Variants in TBL1XR1 observed in about 807,000 individuals in gnomAD.
TBL1XR1 encodes TBL1X/Y related 1, also known as F-box-like/WD repeat-containing protein TBL1XR1.
TBL1XR1 carries 5 observed loss-of-function variants against 66.9 expected under a neutral mutation model. The observed-to-expected ratio is 0.07, with a 90% confidence interval of 0.04 to 0.16. The LOEUF (loss-of-function observed/expected upper bound fraction) is 0.16, where lower values mean the gene tolerates loss of function less well. Among genes scored for constraint, TBL1XR1 ranks in the 10% least tolerant of loss-of-function variants. The pLI is 1.00. For synonymous variants in TBL1XR1, 210 were observed against 206.0 expected (o/e 1.02, Z -0.17); for missense variants, 238 against 623.2 (o/e 0.38, Z 6.58).
chr3:177,034,438 A>C, intron 12 of TBL1XR1, 113 bp from the exon 13 acceptor site: 1 of 632,536 alleles, frequency 1.6e-6, no homozygotes, highest in Non-Finnish European at 2.4e-6. Context: ...GAGTGATATA[A>C]CCAGAATGAT....
At chr3:177,035,197 T>C (rs1714598832) in intron 12 of TBL1XR1, among the ~76,000 whole-genome samples, 1 of 152,176 alleles carries the variant, frequency 6.6e-6, no homozygotes, top group Admixed American at 6.5e-5. Flanking sequence ...TTCTAATTCA[T>C]AGAATTTGAT....
chr3:177,104,835 A>C (rs1724673729), intron 1 of TBL1XR1, among the ~76,000 whole-genome samples: 1 of 152,214 alleles, frequency 6.6e-6, no homozygotes, highest in Admixed American at 6.5e-5. Flanking sequence ...ATTATACAAA[A>C]ATAAACTATT....
At chr3:177,121,548 A>G (rs2108757049) in intron 1 of TBL1XR1, among the ~76,000 whole-genome samples, 1 of 152,314 alleles carries the variant, frequency 6.6e-6, no homozygotes, top group Admixed American at 6.5e-5. Flanking sequence ...TTTTAGCCAG[A>G]CTAAATTCAT....
chr3:177,061,543 T>C (rs771892876), intron 3 of TBL1XR1, among the ~76,000 whole-genome samples: 1 of 152,226 alleles, frequency 6.6e-6, no homozygotes, highest in Non-Finnish European at 1.5e-5. Context: ...TTAGTTTTGC[T>C]TTTTGGAAGT....
At chr3:177,026,037 T>C (rs761819314) in intron 15 of TBL1XR1, 1 of 304,230 alleles carries the variant, frequency 3.3e-6, no homozygotes, top group South Asian at 4.4e-5. Context: ...GCCAAAAAAA[T>C]TCTTCTGTGA....
intron 1 of TBL1XR1, among the ~76,000 whole-genome samples, chr3:177,172,495 T>C (rs1414625178): frequency 6.6e-6 from 1 of 151,288 alleles, no homozygotes; most frequent in South Asian, 2.1e-4. Flanking sequence ...CAGTGGCTCA[T>C]GCCTCTAATC....
intron 13 of TBL1XR1, among the ~76,000 whole-genome samples, chr3:177,033,412 T>C (rs1357702216): frequency 6.6e-6 from 1 of 151,936 alleles, no homozygotes; most frequent in African/African-American, 2.4e-5. Context: ...AGTCCAGGAG[T>C]AGAAAACGTA....
At chr3:177,171,715 A>C (rs868261272) in intron 1 of TBL1XR1, among the ~76,000 whole-genome samples, 1 of 148,784 alleles carries the variant, frequency 6.7e-6, no homozygotes, top group Non-Finnish European at 1.5e-5. Flanking sequence ...AAAAAAAAAA[A>C]AAAAAAAAAA....
chr3:177,065,089 G>T, intron 2 of TBL1XR1, 67 bp from the exon 3 acceptor site: 1 of 1,027,996 alleles, frequency 9.7e-7, no homozygotes, highest in Non-Finnish European at 1.3e-6. Context: ...AAACAATGTT[G>T]TAAAAACCAT....
In TBL1XR1 at chr3:177,019,982, TC is replaced by T. The variant is rs2108354582; in HGVS notation, c.*5515del. 7.5e-6 allele frequency: 1 copy of T among 133,360 alleles called. No homozygotes were observed. Among genetic ancestry groups the T allele is most frequent in the African/African-American group, 2.7e-5 (1 of 36,878 alleles). 8.3% of individuals were successfully genotyped at this position (133,360 alleles called of 1,614,324 possible). The stretch of plus-strand genomic sequence containing the variant: ...AATAGAAGACCTAGAGAGTGTAAAT[TC>T]TTAAAAAAAAAAAAAAGAAAATATG... On this transcript the variant is annotated 3_prime_UTR_variant, in exon 16 of 16. Transcript: ENST00000457928.
chr3:177,122,275 T>G (rs1434357903), intron 1 of TBL1XR1, among the ~76,000 whole-genome samples: 1 of 110,026 alleles, frequency 9.1e-6, no homozygotes, highest in African/African-American at 3.4e-5. Flanking sequence ...ATACATAACT[T>G]ATATAAGACA....
Position 177,160,652 on chromosome 3 carries a change from T to A in TBL1XR1, c.-122+36469A>T, listed in dbSNP as rs564951032. ...TTTTTCTTCAAGCTCTCGATTATTT[T>A]TTATTATTTGAAACTCAGTCCTAAA... On this transcript the variant is annotated intron_variant, in intron 1 of 15. Transcript: ENST00000457928. Among the ~76,000 whole-genome samples the A allele has an allele frequency of 7.2e-5, 11 of 152,210 alleles. No individual in the cohort carries two copies. In the South Asian group the frequency reaches 2.1e-3, roughly 29 times the overall value.
Position 177,051,588 on chromosome 3 carries a change from C to A in TBL1XR1, c.343G>T (p.Ala115Ser), listed in dbSNP as rs375411293. Residue 115 changes from alanine (A) to serine (S), a missense_variant, in exon 5 of 16, where the codon GCA becomes TCA. By Grantham distance (99) the Ala-to-Ser change is moderately conservative. Coordinates refer to ENST00000457928, the MANE Select transcript of TBL1XR1 (RefSeq NM_024665.7). The stretch of plus-strand genomic sequence containing the variant: ...GATCCTTGTTGGCTGGCTGCAGCTG[C>A]GGCAGCTGCAGCAGCTGCTGCCTGT... The part of the protein sequence containing the change: ...QQQAAAAAAA[A>S]AAASQQGSAK... 1.2e-6 allele frequency: 2 copies of A among 1,613,446 alleles called. No individual in the cohort carries two copies. Among genetic ancestry groups the A allele is most frequent in the Non-Finnish European group, 8.5e-7 (1 of 1,179,686 alleles).
chr3:177,026,336 A>ACC, intron 15 of TBL1XR1, 37 bp downstream of exon 15: 1 of 1,524,972 alleles, frequency 6.6e-7, no homozygotes, highest in Middle Eastern at 1.7e-4. Context: ...GTGAATACCC[A>ACC]CCCACACCCT....
chr3:177,192,044 G>C (rs1736208708), intron 1 of TBL1XR1, among the ~76,000 whole-genome samples: 1 of 145,956 alleles, frequency 6.9e-6, no homozygotes, highest in Non-Finnish European at 1.5e-5. Context: ...AGTGAGCCGA[G>C]ATCGCACCAT....
chr3:177,200,184 C>T (rs1419955113), upstream of TBL1XR1, among the ~76,000 whole-genome samples: 1 of 152,106 alleles, frequency 6.6e-6, no homozygotes, highest in East Asian at 1.9e-4. Context: ...GTTGGTCAGG[C>T]TCGTCTCAAA....
chr3:177,082,062 C>G (rs1052556626), intron 2 of TBL1XR1, among the ~76,000 whole-genome samples: 2 of 152,112 alleles, frequency 1.3e-5, no homozygotes, highest in African/African-American at 2.4e-5. Flanking sequence ...CTACCATCTC[C>G]AAAGTCAGCA....
At chr3:177,197,873 C>T (rs1315609553), upstream of TBL1XR1, among the ~76,000 whole-genome samples, 2 of 147,980 alleles carry the variant, frequency 1.4e-5, no homozygotes, top group Non-Finnish European at 3.0e-5. Context: ...CGCCGCGGGC[C>T]GGCCTGGGTG....
Position 177,197,187 on chromosome 3 carries a change from C to T in TBL1XR1, c.-188G>A, listed in dbSNP as rs1736978116. 1 of 153,900 alleles carries T rather than the reference C, an allele frequency of 6.5e-6. No homozygotes were observed. The highest frequency in any genetic ancestry group is 2.4e-5 in the African/African-American group (1 of 41,204). The allele number at this position is 153,900 out of a possible 1,614,324, so 9.5% of individuals were successfully genotyped here. On this transcript the variant is annotated 5_prime_UTR_variant, in exon 1 of 16. Coordinates refer to ENST00000457928, the MANE Select transcript of TBL1XR1 (RefSeq NM_024665.7). ...ATGGAGGCACAAGGAAATTCCCCTC[C>T]TCGCCGCCGCCGCCACCGCCTCCAA...
Sources: gnomAD v4.1 joint callset for allele counts (sites outside exome capture counted in the v4.1 genomes callset) on GRCh38, gnomAD v4.1.1 for gene constraint, MANE v1.5 for transcripts, NCBI Gene and HGNC (gene_info 2026-07-23, HGNC 2026-07-21) for gene names.